CR1L: variants seen among roughly 807,000 people sequenced by gnomAD.
The protein encoded by CR1L is complement component receptor 1-like protein.
CR1L carries 59 observed loss-of-function variants against 62.3 expected under a neutral mutation model. The ratio of observed to expected loss-of-function variants is 0.95; its 90% CI spans 0.77 to 1.18. CR1L has a LOEUF of 1.18. Among genes scored for constraint, CR1L ranks in the 50% most tolerant of loss-of-function variants. CR1L has a pLI of 0.00. For synonymous variants in CR1L, 279 were observed against 248.7 expected, an observed-to-expected ratio of 1.12 and a Z score of -1.15; for missense variants, 700 against 702.8, an observed-to-expected ratio of 1.00 and a Z score of 0.04.
At chr1:207,687,085 C>T (rs551517503) in intron 4 of CR1L, among the ~76,000 whole-genome samples, 1 of 152,242 alleles carries the variant, frequency 6.6e-6, no homozygotes, top group Admixed American at 6.5e-5. Flanking sequence ...TTCCGGAACA[C>T]TTTCATCATC....
intron 11 of CR1L, among the ~76,000 whole-genome samples, 166 bp downstream of exon 11, chr1:207,717,857 A>G (rs1029571620): frequency 6.6e-6 from 1 of 152,206 alleles, no homozygotes; most frequent in African/African-American, 2.4e-5. Flanking sequence ...AGATAGGCAC[A>G]CTGTCTCAAT....
chr1:207,651,397 C>T (rs1363701132), intron 1 of CR1L, among the ~76,000 whole-genome samples: 1 of 152,032 alleles, frequency 6.6e-6, no homozygotes, highest in Non-Finnish European at 1.5e-5. Context: ...TAGAATATGA[C>T]ATGAAATGAA....
intron 10 of CR1L, chr1:207,715,385 C>T: frequency 6.3e-7 from 1 of 1,591,290 alleles, no homozygotes; most frequent in Non-Finnish European, 8.6e-7. Context: ...TAGCAGTGTT[C>T]CAGTGTGTGA....
At chr1:207,660,800 T>C (rs1350920663) in intron 1 of CR1L, among the ~76,000 whole-genome samples, 1 of 152,196 alleles carries the variant, frequency 6.6e-6, no homozygotes, top group Non-Finnish European at 1.5e-5. Flanking sequence ...AAATTTCCCT[T>C]TACACACTGC....
chr1:207,655,196 C>T (rs922035508), intron 1 of CR1L: 1 of 624,926 alleles, frequency 1.6e-6, no homozygotes, highest in Non-Finnish European at 2.9e-6. Context: ...TTAGTTATTA[C>T]TTAATTGGTA....
At position 207,701,365 on chromosome 1, in the gene CR1L, G is replaced by C. The variant is rs549695052; in HGVS notation, c.1229-154G>C. ...TGGGGCTTAGTAGGTGGCTGATCCT[G>C]AGGCTCTCTGATGAGTTTTCTCAAG... On this transcript the variant is annotated intron_variant, in intron 8 of 11. Coordinates refer to ENST00000508064, the MANE Select transcript of CR1L (RefSeq NM_175710.2). Among the ~76,000 whole-genome samples, 289 of 152,318 alleles carry C rather than the reference G, an allele frequency of 1.9e-3. 2 individuals are homozygous for C. Among genetic ancestry groups the C allele is most frequent in the African/African-American group, 6.6e-3 (273 of 41,568 alleles).
chr1:207,678,248 A>G lies in CR1L; in HGVS notation c.328A>G (p.Ile110Val). The change falls in exon 3 of 12, where the codon ATC becomes GTC. Residue 110 changes from isoleucine (I) to valine (V), a missense_variant. Coordinates refer to ENST00000508064, the MANE Select transcript of CR1L (RefSeq NM_175710.2). ...TCCTGTGAATGGCATGGCACATGTG[A>G]TCAAAGACATCCAGTTCAGATCCCA... ...PDPVNGMAHV[I>V]KDIQFRSQIK... The G allele has an allele frequency of 6.2e-7, 1 of 1,613,742 alleles. No individual in the cohort carries two copies. The highest frequency in any genetic ancestry group is 8.5e-7 in the Non-Finnish European group (1 of 1,179,648).
chr1:207,669,651 C>CGCGCAGA, intron 1 of CR1L: 1 of 780,944 alleles, frequency 1.3e-6, no homozygotes, highest in Non-Finnish European at 2.0e-6. Context: ...CGCTGGGCTG[C>CGCGCAGA]GCTGCTCTGC....
intron 1 of CR1L, among the ~76,000 whole-genome samples, chr1:207,660,056 G>T (rs994045414): frequency 2.6e-5 from 4 of 152,244 alleles, no homozygotes; most frequent in African/African-American, 9.6e-5. Flanking sequence ...AGCTCAGCAA[G>T]GCCTACTGCC....
intron 4 of CR1L, among the ~76,000 whole-genome samples, chr1:207,688,689 T>A (rs1342640749): frequency 6.6e-6 from 1 of 152,200 alleles, no homozygotes; most frequent in Non-Finnish European, 1.5e-5. Flanking sequence ...AATTTAGTTT[T>A]GAAGTTTAAA....
intron 10 of CR1L, among the ~76,000 whole-genome samples, chr1:207,712,570 A>G (rs577548405): frequency 1.3e-5 from 2 of 152,342 alleles, no homozygotes; most frequent in Admixed American, 1.3e-4. Flanking sequence ...AGCATACCCT[A>G]AGCCATCAGG....
At chr1:207,710,403 C>T in intron 10 of CR1L, 1 of 1,535,558 alleles carries the variant, frequency 6.5e-7, no homozygotes, top group African/African-American at 1.4e-5. Flanking sequence ...GGGCTACCCC[C>T]CAACATCACC....
intron 3 of CR1L, among the ~76,000 whole-genome samples, chr1:207,681,007 G>T (rs533350525): frequency 6.6e-6 from 1 of 152,144 alleles, no homozygotes; most frequent in Non-Finnish European, 1.5e-5. Context: ...CTACCCTTAA[G>T]CTGTGTGCTC....
intron 4 of CR1L, among the ~76,000 whole-genome samples, chr1:207,686,566 A>C (rs1156275903): frequency 2.0e-5 from 3 of 152,174 alleles, no homozygotes; most frequent in Non-Finnish European, 4.4e-5. Context: ...TCAATTTTAC[A>C]TTCTTAAAAT....
chr1:207,689,251 A>G (rs1394472788), intron 4 of CR1L, among the ~76,000 whole-genome samples: 2 of 152,090 alleles, frequency 1.3e-5, no homozygotes, highest in African/African-American at 4.8e-5. Context: ...CACTCTGTTA[A>G]TGTAATATAT....
At chr1:207,699,013 C>T (rs1438128296) in intron 7 of CR1L, among the ~76,000 whole-genome samples, 176 bp from the exon 8 acceptor site, 1 of 152,174 alleles carries the variant, frequency 6.6e-6, no homozygotes, top group Non-Finnish European at 1.5e-5. Flanking sequence ...TTTTGCCACT[C>T]TATATTGCTC....
intron 9 of CR1L, 142 bp downstream of exon 9, chr1:207,701,760 A>C: frequency 8.8e-7 from 1 of 1,141,728 alleles, no homozygotes; most frequent in Admixed American, 2.0e-5. Flanking sequence ...GATTGAAATG[A>C]ACAAAGATAG....
At position 207,697,522 on chromosome 1, in the gene CR1L, T is replaced by G; in HGVS notation, c.882T>G (p.Asp294Glu). The change falls in exon 6 of 12, where the codon GAT (aspartate) becomes GAG (glutamate). Residue 294 changes from aspartate (D) to glutamate (E), a missense_variant. Coordinates refer to ENST00000508064, the MANE Select transcript of CR1L (RefSeq NM_175710.2). ...SCSRVCQPPPDVLHAERTQRD... is the reference protein window; with the variant it reads ...SCSRVCQPPPEVLHAERTQRD... Reference sequence around the variant, plus strand: ...CCCCAGTATGTCAGCCACCTCCAGATGTCCTGCATGCTGAGCGTACCCAAA... The same window carrying G: ...CCCCAGTATGTCAGCCACCTCCAGAGGTCCTGCATGCTGAGCGTACCCAAA... The G allele has an allele frequency of 2.5e-6, 4 of 1,613,808 alleles. No individual in the cohort carries two copies. The highest frequency in any genetic ancestry group is 1.7e-4 in the Middle Eastern group (1 of 6,056).
chr1:207,690,873 T>C (rs572154964), intron 4 of CR1L, among the ~76,000 whole-genome samples: 1 of 152,310 alleles, frequency 6.6e-6, no homozygotes, highest in East Asian at 1.9e-4. Context: ...TGTCCTTTGC[T>C]CTTCTGGCTC....
Sources: allele counts gnomAD v4.1 joint callset (sites outside exome capture counted in the v4.1 genomes callset), GRCh38; gene constraint gnomAD v4.1.1; transcripts MANE v1.5; gene names NCBI Gene and HGNC (gene_info 2026-07-23, HGNC 2026-07-21).